Variants in THRA observed in about 807,000 individuals in gnomAD.
The protein encoded by THRA is thyroid hormone receptor alpha, also known as EAR-7.
In THRA, 13 loss-of-function variants were observed where a neutral mutation model predicts 45.0. The ratio of observed to expected loss-of-function variants is 0.29; its 90% confidence interval spans 0.19 to 0.46. The LOEUF is 0.46. Among genes scored for constraint, THRA ranks in the 20% least tolerant of loss-of-function variants. The probability of loss-of-function intolerance (pLI) is 1.00; values close to 1 mark genes in which losing one functional copy is unlikely to be tolerated. For missense variants in THRA, 278 were observed against 556.1 expected (o/e 0.50, Z 5.03); for synonymous variants, 195 against 214.0 (o/e 0.91, Z 0.78).
At chr17:40,085,065 G>A (rs1987275794) in intron 6 of THRA, among the ~76,000 whole-genome samples, 1 of 152,166 alleles carries the variant, frequency 6.6e-6, no homozygotes, top group Admixed American at 6.5e-5. Context: ...CCAGGGAGCG[G>A]GAGCGACCTT....
chr17:40,074,623 C>A (rs938465547), intron 2 of THRA, 82 bp downstream of exon 2: 5 of 1,460,426 alleles, frequency 3.4e-6, no homozygotes, highest in Non-Finnish European at 4.8e-6. Context: ...TAGGCACCGC[C>A]TTTAAGCACC....
intron 2 of THRA, 96 bp downstream of exon 2, chr17:40,074,637 G>T (rs745526584): frequency 6.6e-6 from 9 of 1,373,306 alleles, no homozygotes; most frequent in Admixed American, 1.8e-5. Flanking sequence ...AAGCACCTCT[G>T]TGGGATGGAC....
chr17:40,074,186 C>T lies in THRA; in HGVS notation c.-297-6C>T. 2.4e-6 allele frequency: 1 copy of T among 409,530 alleles called. No individual in the cohort carries two copies. Among genetic ancestry groups the T allele is most frequent in the Non-Finnish European group, 4.6e-6 (1 of 217,568 alleles). 25.4% of individuals were successfully genotyped at this position (409,530 alleles called of 1,614,324 possible). A position where few individuals can be genotyped will look rare whatever the true frequency, so the allele number is the denominator to read the frequency against. ...TCTTACCCCTGCCTCTCTCTTCTCT[C>T]CACAGGGATCTCTGGACAGGACAAG... On this transcript the variant is annotated splice_polypyrimidine_tract_variant and splice_region_variant and intron_variant, in intron 1 of 8. Coordinates refer to ENST00000450525, the MANE Select transcript of THRA (RefSeq NM_199334.5).
At chr17:40,087,917 C>G (rs188369688) in intron 7 of THRA, among the ~76,000 whole-genome samples, 1 of 152,176 alleles carries the variant, frequency 6.6e-6, no homozygotes, top group East Asian at 1.9e-4. Flanking sequence ...TGCCACCACG[C>G]CCAACTAATT....
Position 40,089,174 on chromosome 17 carries a change from C to A in THRA, c.983-32C>A. 1.9e-6 allele frequency: 3 copies of A among 1,607,170 alleles called. No homozygotes were observed. Among genetic ancestry groups the A allele is most frequent in the Non-Finnish European group, 2.6e-6 (3 of 1,175,640 alleles). Reference sequence around the variant, plus strand: ...CCCCATCTCCAGGCCTTCGGCCAGCCCCTCGCCCCTCACGCCCCTCTTCCC... The same window carrying A: ...CCCCATCTCCAGGCCTTCGGCCAGCACCTCGCCCCTCACGCCCCTCTTCCC... On this transcript the variant is annotated intron_variant, in intron 8 of 8. Transcript: ENST00000450525. The surrounding 1 kb of genome is among the most constrained non-coding windows in gnomAD (Gnocchi z 6.1).
rs1987435684 is a variant in THRA at position 40,089,014 on chromosome 17, T to G, written c.983-192T>G. Among the ~76,000 whole-genome samples, 1 of 63,406 alleles carries G rather than the reference T, an allele frequency of 1.6e-5. No individual in the cohort carries two copies. Among genetic ancestry groups the G allele is most frequent in the Non-Finnish European group, 3.3e-5 (1 of 30,470 alleles). The allele number at this position is 63,406 out of a possible 152,430, so 41.6% of individuals were successfully genotyped here. ...CCAGTACCCCCCTGCCCCTCTCCACTTCCCAGCTGCCTCCCTCTCCCTGTG... is the reference window on the plus strand; with the variant it reads ...CCAGTACCCCCCTGCCCCTCTCCACGTCCCAGCTGCCTCCCTCTCCCTGTG... On this transcript the variant is annotated intron_variant, in intron 8 of 8. Coordinates refer to ENST00000450525, the MANE Select transcript of THRA (RefSeq NM_199334.5). The surrounding 1 kb of genome is among the most constrained non-coding windows in gnomAD (Gnocchi z 6.1).
At chr17:40,069,075 T>TCTCCCTCCCTCTCTCC (rs1319464736) in intron 1 of THRA, 2 of 150,794 alleles carry the variant, frequency 1.3e-5, no homozygotes, top group African/African-American at 4.9e-5. Context: ...GCGCGCGCTC[T>TCTCCCTCCCTCTCTCC]CTCCCTCCCT....
chr17:40,075,696 C>G (rs2145058562), intron 2 of THRA, among the ~76,000 whole-genome samples: 1 of 152,340 alleles, frequency 6.6e-6, no homozygotes, highest in African/African-American at 2.4e-5. Context: ...TATGCGCCAC[C>G]TTGTGGCTAT....
At chr17:40,080,421 CAAAA>C (rs112166119) in intron 4 of THRA, among the ~76,000 whole-genome samples, 2,731 of 140,118 alleles carry the variant, frequency 0.019, 28 homozygotes, top group Non-Finnish European at 0.031. Flanking sequence ...AAAAAACAAA[CAAAA>C]AAAAAAAACG....
At chr17:40,087,288 G>GAC (rs749783417) in intron 7 of THRA, among the ~76,000 whole-genome samples, 2 of 110,526 alleles carry the variant, frequency 1.8e-5, no homozygotes, top group South Asian at 2.8e-4. Flanking sequence ...CAGATACATA[G>GAC]ACACACACAC....
chr17:40,093,667 C>T, downstream of THRA: 4 of 636,086 alleles, frequency 6.3e-6, no homozygotes, highest in Non-Finnish European at 1.1e-5. This position sits in a 1 kb window ranked among gnomAD's most constrained non-coding sequence, Gnocchi z 5.9. Flanking sequence ...ACCTCCTTCC[C>T]CAGCTCCCCC....
At chr17:40,093,613 C>G, downstream of THRA, 5 of 710,092 alleles carry the variant, frequency 7.0e-6, no homozygotes, top group Non-Finnish European at 1.1e-5. The surrounding 1 kb of genome is among the most constrained non-coding windows in gnomAD (Gnocchi z 5.9). Context: ...CTTTCTCTGC[C>G]TGGCAACATC....
intron 1 of THRA, among the ~76,000 whole-genome samples, chr17:40,070,616 C>G (rs917848310): frequency 2.6e-5 from 4 of 152,170 alleles, no homozygotes; most frequent in African/African-American, 9.7e-5. Flanking sequence ...CGCCCCGGCC[C>G]CTCAGCATCG....
rs1986974185 is a variant in THRA, at chr17:40,076,888, G to C, written c.71G>C (p.Gly24Ala). 2.5e-6 allele frequency: 4 copies of C among 1,614,000 alleles called. No individual in the cohort carries two copies. The highest frequency in any genetic ancestry group is 2.5e-6 in the Non-Finnish European group (3 of 1,180,004). Residue 24 changes from glycine to alanine, a missense_variant, in exon 3 of 9, where the codon GGA becomes GCA. Physicochemically the swap from Gly to Ala is moderately conservative, Grantham distance 60. Coordinates refer to ENST00000450525, the MANE Select transcript of THRA (RefSeq NM_199334.5). Reference sequence around the variant, plus strand: ...CCATCCAGTGCCAGGTCACCAGATGGAAAGCGAAAAAGAAAGAACGGCCAA... The same window carrying C: ...CCATCCAGTGCCAGGTCACCAGATGCAAAGCGAAAAAGAAAGAACGGCCAA... ...PEENSARSPD[G>A]KRKRKNGQCS... is the part of the protein sequence containing the mutation.
intron 4 of THRA, among the ~76,000 whole-genome samples, chr17:40,081,405 T>C (rs1313616191): frequency 4.6e-5 from 7 of 151,900 alleles, no homozygotes; most frequent in African/African-American, 1.7e-4. Context: ...GGATTATAGG[T>C]GCACGCCACA....
At chr17:40,086,901 C>A (rs752622955) in intron 7 of THRA, 48 bp downstream of exon 7, 11 of 1,607,892 alleles carry the variant, frequency 6.8e-6, no homozygotes, top group Middle Eastern at 3.3e-4. Flanking sequence ...TGGAGGGAAA[C>A]CTGCTCCCCC....
intron 1 of THRA, among the ~76,000 whole-genome samples, chr17:40,063,450 G>A (rs1388065461): frequency 1.3e-5 from 2 of 151,790 alleles, no homozygotes; most frequent in African/African-American, 2.4e-5. Flanking sequence ...CCGCCGCGCC[G>A]CGGTTTGTTT....
chr17:40,087,286 TAGACACACACACACAGATAC>T (rs1432529917), intron 7 of THRA, among the ~76,000 whole-genome samples: 3 of 103,178 alleles, frequency 2.9e-5, no homozygotes, highest in South Asian at 6.1e-4. Context: ...CACAGATACA[TAGACACACACACACAGATAC>T]AGACACACAC....
chr17:40,088,072 A>G (rs1222790614), intron 7 of THRA, among the ~76,000 whole-genome samples, 170 bp from the exon 8 acceptor site: 2 of 152,164 alleles, frequency 1.3e-5, no homozygotes, highest in Non-Finnish European at 2.9e-5. Context: ...CACAGGCATA[A>G]CTGTGAGGCT....
Sources: allele counts gnomAD v4.1 joint callset (sites outside exome capture counted in the v4.1 genomes callset), GRCh38; gene constraint gnomAD v4.1.1; non-coding constraint Gnocchi (gnomAD v3.1); transcripts MANE v1.5; gene names NCBI Gene and HGNC (gene_info 2026-07-23, HGNC 2026-07-21).